SEPTIN7: variants seen among roughly 807,000 people sequenced by gnomAD.
The protein encoded by SEPTIN7 is septin-7.
Under a neutral mutation model 63.3 loss-of-function variants are expected in SEPTIN7, and 10 were observed. The observed-to-expected ratio is 0.16, with a 90% CI of 0.10 to 0.27. The LOEUF is 0.27. SEPTIN7 is among the 10% of genes least tolerant of loss of function. SEPTIN7 has a pLI of 1.00. For synonymous variants in SEPTIN7, 131 were observed against 165.3 expected (o/e 0.79, Z 1.59); for missense variants, 310 against 521.0 (o/e 0.59, Z 3.94).
intron 6 of SEPTIN7, 77 bp downstream of exon 6, chr7:35,873,852 C>T: frequency 4.3e-6 from 6 of 1,388,302 alleles, no homozygotes; most frequent in Non-Finnish European, 6.0e-6. Flanking sequence ...CTTTAGTAAT[C>T]TTTAAGTTTG....
In SEPTIN7 at chr7:35,840,365, C is replaced by A. The variant is rs565904776; in HGVS notation, c.169+7465C>A. On this transcript the variant is annotated intron_variant, in intron 3 of 13. Transcript: ENST00000350320. ...CCTTGAGCCCCTGGACTCAAGTGAT[C>A]GTCCCACCTCAGCCTCCCAAGTACC... 2.7e-5 allele frequency among the ~76,000 whole-genome samples: 4 copies of A among 150,010 alleles called. No individual in the cohort carries two copies. The South Asian group carries it at 8.6e-4, about 32-fold the overall frequency.
intron 1 of SEPTIN7, among the ~76,000 whole-genome samples, chr7:35,803,508 T>A (rs1036056603): frequency 2.0e-5 from 3 of 152,212 alleles, no homozygotes; most frequent in African/African-American, 7.2e-5. Flanking sequence ...TAGAGCAGAT[T>A]AGTTTCAGAC....
chr7:35,840,380 TC>T (rs1784354226), intron 3 of SEPTIN7, among the ~76,000 whole-genome samples: 1 of 149,822 alleles, frequency 6.7e-6, no homozygotes, highest in African/African-American at 2.5e-5. Flanking sequence ...CACCTCAGCC[TC>T]CCAAGTACCT....
chr7:35,826,049 T>A (rs1783495667), intron 1 of SEPTIN7, among the ~76,000 whole-genome samples: 1 of 152,078 alleles, frequency 6.6e-6, no homozygotes, highest in Non-Finnish European at 1.5e-5. Context: ...GCCTATGTAA[T>A]CTTGTAATAT....
At chr7:35,892,689 C>G (rs1787719154) in intron 11 of SEPTIN7, among the ~76,000 whole-genome samples, 1 of 152,046 alleles carries the variant, frequency 6.6e-6, no homozygotes, top group East Asian at 1.9e-4. Flanking sequence ...GAAAACTTTA[C>G]AGTATCATTA....
rs183620532 is a variant in SEPTIN7 at position 35,883,245 on chromosome 7, T to C, written c.724-646T>C. 3.5e-4 allele frequency among the ~76,000 whole-genome samples: 54 copies of C among 152,254 alleles called. No homozygotes were observed. The East Asian group carries it at 8.3e-3, about 23-fold the overall frequency. Reference sequence around the variant, plus strand: ...TCAACATATTTTCTGTATTTTATCATGGTTTTCTATGTACTTTGGCCCTAA... The same window carrying C: ...TCAACATATTTTCTGTATTTTATCACGGTTTTCTATGTACTTTGGCCCTAA... On this transcript the variant is annotated intron_variant, in intron 8 of 13. Coordinates refer to ENST00000350320, the MANE Select transcript of SEPTIN7 (RefSeq NM_001788.6).
Position 35,882,538 on chromosome 7 carries a change from G to T in SEPTIN7, c.685G>T (p.Asp229Tyr), listed in dbSNP as rs1786952773. The change falls in exon 8 of 14, where the codon GAT becomes TAT. Residue 229 changes from aspartate to tyrosine, a missense_variant. By Grantham distance (160) the Asp-to-Tyr change is radical (BLOSUM62 -3). This residue lies in a region of SEPTIN7 where 255 missense variants were observed against 490.5 expected (regional missense o/e 0.52). Coordinates refer to ENST00000350320, the MANE Select transcript of SEPTIN7 (RefSeq NM_001788.6). Reference protein sequence around the residue: ...KIKIYEFPETDDEEENKLVKK... With the variant: ...KIKIYEFPETYDEEENKLVKK... ...TAAAATATACGAATTTCCAGAAACA[G>T]ATGATGAAGAAGAAAATAAACTTGT... 6.7e-7 allele frequency: 1 copy of T among 1,487,120 alleles called. No individual in the cohort carries two copies. The highest frequency in any genetic ancestry group is 9.0e-7 in the Non-Finnish European group (1 of 1,108,308). The allele number at this position is 1,487,120 out of a possible 1,614,324, so 92.1% of individuals were successfully genotyped here. A position where few individuals can be genotyped will look rare whatever the true frequency, so the allele number is the denominator to read the frequency against.
intron 8 of SEPTIN7, among the ~76,000 whole-genome samples, chr7:35,883,029 T>C (rs1382777617): frequency 6.6e-6 from 1 of 152,076 alleles, no homozygotes; most frequent in African/African-American, 2.4e-5. Context: ...TAGTCTATAT[T>C]TTCAGATAGC....
At chr7:35,891,555 A>G (rs1208753898) in intron 11 of SEPTIN7, among the ~76,000 whole-genome samples, 2 of 152,194 alleles carry the variant, frequency 1.3e-5, no homozygotes, top group African/African-American at 4.8e-5. Context: ...TACAGTGTAA[A>G]AGATTAAAAA....
At chr7:35,855,376 CT>C (rs1443269522) in intron 3 of SEPTIN7, among the ~76,000 whole-genome samples, 2 of 152,168 alleles carry the variant, frequency 1.3e-5, no homozygotes, top group African/African-American at 4.8e-5. Context: ...CATATAAATG[CT>C]TCTGTAATGT....
At chr7:35,871,918 T>A (rs1178357251) in intron 4 of SEPTIN7, among the ~76,000 whole-genome samples, 1 of 152,204 alleles carries the variant, frequency 6.6e-6, no homozygotes, top group Non-Finnish European at 1.5e-5. Flanking sequence ...TAATACATCT[T>A]CTGATACAGA....
At chr7:35,842,365 C>T (rs965218919) in intron 3 of SEPTIN7, among the ~76,000 whole-genome samples, 1 of 150,552 alleles carries the variant, frequency 6.6e-6, no homozygotes, top group African/African-American at 2.4e-5. Flanking sequence ...AAAAAACCCT[C>T]ATTTTAAGTA....
At chr7:35,827,613 C>T (rs981866218) in intron 1 of SEPTIN7, among the ~76,000 whole-genome samples, 1 of 152,142 alleles carries the variant, frequency 6.6e-6, no homozygotes, top group African/African-American at 2.4e-5. Context: ...GCCTCAGCCT[C>T]CAGAGTAGCT....
rs188459316 is a variant in SEPTIN7 at position 35,829,742 on chromosome 7, A to G, written c.62-1750A>G. ...ACATTGCGGGCAGGGTGGAGGTCAC[A>G]GTAAACAAGTTGGGTAAAATGTGTG... On this transcript the variant is annotated intron_variant, in intron 1 of 13. Transcript: ENST00000350320. 1.1e-3 allele frequency among the ~76,000 whole-genome samples: 171 copies of G among 152,346 alleles called. 1 individual carries two copies. Among genetic ancestry groups the G allele is most frequent in the African/African-American group, 3.9e-3 (164 of 41,578 alleles).
At chr7:35,879,537 A>C in intron 6 of SEPTIN7, 2 of 214,878 alleles carry the variant, frequency 9.3e-6, no homozygotes, top group Non-Finnish European at 1.9e-5. Context: ...TAATAAATAT[A>C]GAGATAATTC....
intron 1 of SEPTIN7, among the ~76,000 whole-genome samples, chr7:35,806,750 G>A (rs1217179065): frequency 6.6e-6 from 1 of 152,024 alleles, no homozygotes; most frequent in Non-Finnish European, 1.5e-5. Context: ...TAGTTTTTTT[G>A]TTTTTGTTAG....
At chr7:35,876,946 G>A (rs1480569802) in intron 6 of SEPTIN7, among the ~76,000 whole-genome samples, 2 of 151,978 alleles carry the variant, frequency 1.3e-5, no homozygotes, top group East Asian at 1.9e-4. Flanking sequence ...TCCAGACTGA[G>A]CAATAAGAGT....
At chr7:35,903,301 C>T (rs1562594271) in intron 13 of SEPTIN7, 86 bp downstream of exon 13, 2 of 1,436,284 alleles carry the variant, frequency 1.4e-6, no homozygotes, top group Non-Finnish European at 1.8e-6. Flanking sequence ...ATTAGAATAA[C>T]ACTTAAAAAG....
intron 8 of SEPTIN7, 34 bp from the exon 9 acceptor site, chr7:35,883,857 A>T: frequency 7.9e-7 from 1 of 1,261,672 alleles, no homozygotes; most frequent in African/African-American, 1.5e-5. Context: ...AGGACTACAG[A>T]GATGTATTTG....
Sources: allele counts gnomAD v4.1 joint callset (sites outside exome capture counted in the v4.1 genomes callset), GRCh38; gene constraint gnomAD v4.1.1; regional missense constraint gnomAD v4.1.1; transcripts MANE v1.5; gene names NCBI Gene and HGNC (gene_info 2026-07-23, HGNC 2026-07-21).